Variants in CNTNAP5 observed in about 807,000 individuals in gnomAD.
The protein encoded by CNTNAP5 is contactin-associated protein-like 5.
A neutral mutation model predicts 150.2 loss-of-function variants in CNTNAP5; 72 were observed. The observed-to-expected ratio is 0.48, with a 90% CI of 0.40 to 0.58. CNTNAP5 has a LOEUF of 0.58. CNTNAP5 is among the 20% of genes least tolerant of loss of function. The probability of loss-of-function intolerance (pLI) is 0.00; values close to 1 mark genes in which losing one functional copy is unlikely to be tolerated. For synonymous variants in CNTNAP5, 672 were observed against 619.8 expected, an observed-to-expected ratio of 1.08 and a Z score of -1.25; for missense variants, 1,636 against 1,626.2, an observed-to-expected ratio of 1.01 and a Z score of -0.10.
intron 3 of CNTNAP5, among the ~76,000 whole-genome samples, chr2:124,377,692 A>AT (rs547833952): frequency 0.012 from 1,273 of 107,980 alleles, 16 homozygotes; most frequent in African/African-American, 0.042. Flanking sequence ...GAAAAAAAAA[A>AT]GAAAAAAAAA....
intron 12 of CNTNAP5, among the ~76,000 whole-genome samples, chr2:124,647,554 G>T (rs557255773): frequency 6.6e-6 from 1 of 152,162 alleles, no homozygotes; most frequent in Non-Finnish European, 1.5e-5. Context: ...AAAGGGCTCC[G>T]CAAATTGAGC....
intron 19 of CNTNAP5, among the ~76,000 whole-genome samples, chr2:124,814,260 GCCTCCA>G: frequency 7.2e-6 from 1 of 139,780 alleles, no homozygotes. Flanking sequence ...TTTTTTTCCT[GCCTCCA>G]TTCCCTCCTT....
At chr2:124,749,125 G>T (rs1199961452) in intron 14 of CNTNAP5, among the ~76,000 whole-genome samples, 1 of 152,146 alleles carries the variant, frequency 6.6e-6, no homozygotes, top group African/African-American at 2.4e-5. Flanking sequence ...TATGAGCTTG[G>T]GAGGTGTGTT....
intron 3 of CNTNAP5, among the ~76,000 whole-genome samples, chr2:124,325,030 G>T (rs906960320): frequency 6.6e-6 from 1 of 152,180 alleles, no homozygotes; most frequent in African/African-American, 2.4e-5. Flanking sequence ...GCTATGGCTT[G>T]AATATTTGTG....
intron 7 of CNTNAP5, among the ~76,000 whole-genome samples, chr2:124,501,102 T>A (rs573847991): frequency 7.2e-5 from 11 of 152,316 alleles, no homozygotes; most frequent in African/African-American, 2.4e-4. Context: ...GCTCACTGAC[T>A]TCCTTTCAAT....
intron 10 of CNTNAP5, among the ~76,000 whole-genome samples, chr2:124,540,677 ATCATTCATTCAT>A (rs5834075): frequency 2.7e-5 from 4 of 150,854 alleles, no homozygotes; most frequent in African/African-American, 9.8e-5. Context: ...AGTATTATGA[ATCATTCATTCAT>A]TCATTCATTC....
chr2:124,472,397 G>C (rs982394441), intron 6 of CNTNAP5, among the ~76,000 whole-genome samples: 3 of 151,856 alleles, frequency 2.0e-5, no homozygotes, highest in African/African-American at 7.2e-5. Flanking sequence ...GTTTTGTTTC[G>C]TGATGGTATT....
intron 3 of CNTNAP5, among the ~76,000 whole-genome samples, chr2:124,361,294 C>T (rs895610166): frequency 2.1e-5 from 3 of 144,688 alleles, no homozygotes; most frequent in Non-Finnish European, 3.0e-5. Flanking sequence ...CATCTGAAGC[C>T]TCCTTCTCTC....
chr2:124,620,724 A>G (rs1677593443), intron 12 of CNTNAP5, among the ~76,000 whole-genome samples: 2 of 146,388 alleles, frequency 1.4e-5, no homozygotes, highest in South Asian at 4.4e-4. Context: ...ATATATATAT[A>G]TGCTACACAC....
chr2:124,182,237 A>C (rs1315584799), intron 1 of CNTNAP5, among the ~76,000 whole-genome samples: 1 of 152,150 alleles, frequency 6.6e-6, no homozygotes, highest in Non-Finnish European at 1.5e-5. Flanking sequence ...CCTTCATATG[A>C]ATATTGTTTA....
intron 17 of CNTNAP5, among the ~76,000 whole-genome samples, chr2:124,787,493 T>G (rs1019995743): frequency 1.3e-5 from 2 of 152,204 alleles, no homozygotes; most frequent in African/African-American, 4.8e-5. Flanking sequence ...TTGTATTCTA[T>G]AAATCATTAC....
intron 4 of CNTNAP5, among the ~76,000 whole-genome samples, chr2:124,424,281 C>G (rs1692189757): frequency 6.6e-6 from 1 of 152,132 alleles, no homozygotes; most frequent in South Asian, 2.1e-4. Context: ...TAAATCTCAC[C>G]TCTGACATGC....
intron 3 of CNTNAP5, among the ~76,000 whole-genome samples, chr2:124,343,905 A>G (rs1208457971): frequency 6.6e-6 from 1 of 152,194 alleles, no homozygotes; most frequent in Non-Finnish European, 1.5e-5. Flanking sequence ...GAGAATGTAA[A>G]AGGGAAAGCA....
rs188605961 is a variant in CNTNAP5 at position 124,563,429 on chromosome 2, C to T, written c.1756+106C>T. ...ATGGGGCAGGCATGTTTTATTCACT[C>T]ATTCAGCATGTGTGTTTTAAGAGGT... On this transcript the variant is annotated intron_variant, in intron 11 of 23. Transcript: ENST00000682447. The T allele has an allele frequency of 4.4e-5, 30 of 680,464 alleles. No homozygotes were observed. The Admixed American group carries it at 5.9e-4, about 13-fold the overall frequency. 42.2% of individuals were successfully genotyped at this position (680,464 alleles called of 1,614,324 possible).
chr2:124,872,385 TG>T lies in CNTNAP5; in HGVS notation c.3436+2624del, dbSNP rs778455302. ...CTTGTTTCCTTATGCTGTGTGTGTGTGTGTGTGTGTGTGTGTGTGTGTGTGT... is the reference window on the plus strand; with the variant it reads ...CTTGTTTCCTTATGCTGTGTGTGTGTTGTGTGTGTGTGTGTGTGTGTGTGT... On this transcript the variant is annotated intron_variant, in intron 21 of 23. Transcript: ENST00000682447. Among the ~76,000 whole-genome samples, 175 of 141,850 alleles carry T rather than the reference TG, an allele frequency of 1.2e-3. 1 individual carries two copies. The highest frequency in any genetic ancestry group is 2.0e-3 in the Non-Finnish European group (134 of 65,528). 93.1% of individuals were successfully genotyped at this position (141,850 alleles called of 152,430 possible). A position where few individuals can be genotyped will look rare whatever the true frequency, so the allele number is the denominator to read the frequency against.
At chr2:124,475,746 C>G (rs557041792) in intron 7 of CNTNAP5, among the ~76,000 whole-genome samples, 21 of 152,094 alleles carry the variant, frequency 1.4e-4, no homozygotes, top group African/African-American at 4.8e-4. Flanking sequence ...GTAACTTTTC[C>G]CATCCTTTTG....
chr2:124,103,971 A>G (rs1019233359), intron 1 of CNTNAP5, among the ~76,000 whole-genome samples: 11 of 147,764 alleles, frequency 7.4e-5, no homozygotes, highest in African/African-American at 1.5e-4. Flanking sequence ...AAATATAGTT[A>G]ATCATAATAA....
At chr2:124,873,824 T>C (rs935341177) in intron 21 of CNTNAP5, among the ~76,000 whole-genome samples, 11 of 152,094 alleles carry the variant, frequency 7.2e-5, no homozygotes, top group African/African-American at 2.4e-4. Context: ...TCATGGTAGA[T>C]ATGAAAAGAA....
intron 1 of CNTNAP5, among the ~76,000 whole-genome samples, chr2:124,166,123 G>A (rs116630077): frequency 0.011 from 1,701 of 152,152 alleles, 37 homozygotes; most frequent in African/African-American, 0.039. Flanking sequence ...TACTAATAAT[G>A]CAGACAAAAT....
Sources: gnomAD v4.1 joint callset for allele counts (sites outside exome capture counted in the v4.1 genomes callset) on GRCh38, gnomAD v4.1.1 for gene constraint, MANE v1.5 for transcripts, NCBI Gene and HGNC (gene_info 2026-07-23, HGNC 2026-07-21) for gene names.